RALYL: variants seen among roughly 807,000 people sequenced by gnomAD.
RALYL encodes the protein RALY RNA binding protein like.
A neutral mutation model predicts 35.1 loss-of-function variants in RALYL; 29 were observed. That is an observed-to-expected ratio of 0.83 (90% CI 0.61 to 1.13). The LOEUF is 1.13. Among genes scored for constraint, RALYL ranks in the 50% most tolerant of loss-of-function variants. The pLI, the probability that RALYL is intolerant of heterozygous loss-of-function variation, is 0.00. For synonymous variants in RALYL, 120 were observed against 127.6 expected (o/e 0.94, Z 0.40); for missense variants, 359 against 360.4 (o/e 1.00, Z 0.03).
intron 1 of RALYL, among the ~76,000 whole-genome samples, chr8:84,441,461 T>A (rs974236459): frequency 6.6e-6 from 1 of 152,146 alleles, no homozygotes; most frequent in East Asian, 1.9e-4. Flanking sequence ...GTAGTTGTGA[T>A]GTTCATAACA....
At chr8:84,503,156 T>A (rs557027491) in intron 1 of RALYL, among the ~76,000 whole-genome samples, 2 of 151,986 alleles carry the variant, frequency 1.3e-5, no homozygotes, top group Non-Finnish European at 2.9e-5. Context: ...CTTTTCTTTC[T>A]CTTTTTTTAG....
At chr8:84,276,485 C>T (rs1171884087) in intron 1 of RALYL, among the ~76,000 whole-genome samples, 7 of 152,080 alleles carry the variant, frequency 4.6e-5, no homozygotes, top group African/African-American at 1.7e-4. Flanking sequence ...TAACATCTTC[C>T]TGCGGTAAGA....
At chr8:84,646,993 C>G (rs1827636501) in intron 2 of RALYL, among the ~76,000 whole-genome samples, 1 of 152,040 alleles carries the variant, frequency 6.6e-6, no homozygotes. Flanking sequence ...TCTCCACACC[C>G]ACAGGCAATG....
At chr8:84,661,718 G>T (rs1830960540) in intron 2 of RALYL, among the ~76,000 whole-genome samples, 1 of 151,700 alleles carries the variant, frequency 6.6e-6, no homozygotes, top group African/African-American at 2.4e-5. Context: ...TGCCATGCTG[G>T]TGCGCTGCAC....
intron 2 of RALYL, among the ~76,000 whole-genome samples, chr8:84,569,205 A>G (rs570973548): frequency 1.3e-3 from 201 of 152,070 alleles, no homozygotes; most frequent in Middle Eastern, 3.4e-3. Context: ...TCTTTAATCT[A>G]TCTTGAATTA....
chr8:84,250,056 T>C lies in RALYL; in HGVS notation c.-24+65632T>C, dbSNP rs186507893. Among the ~76,000 whole-genome samples the C allele has an allele frequency of 1.8e-3, 281 of 152,182 alleles. 2 individuals carry two copies. The highest frequency in any genetic ancestry group is 6.5e-3 in the African/African-American group (271 of 41,556). On this transcript the variant is annotated intron_variant, in intron 1 of 8. Transcript: ENST00000521268. ...CAGATTAATTTATTACAATATCCAG[T>C]GTCCTGCTTTATTAAACAGCTGAGA...
chr8:84,634,039 T>C (rs1051632671), intron 2 of RALYL, among the ~76,000 whole-genome samples: 3 of 151,900 alleles, frequency 2.0e-5, no homozygotes, highest in Admixed American at 6.6e-5. Flanking sequence ...ACTTAGTAAA[T>C]GTCATAACTG....
intron 2 of RALYL, among the ~76,000 whole-genome samples, chr8:84,739,892 G>GTT (rs1390549156): frequency 1.4e-4 from 22 of 151,942 alleles, no homozygotes; most frequent in Non-Finnish European, 2.6e-4. Context: ...AAGAATTGGA[G>GTT]TCACTATATA....
intron 6 of RALYL, among the ~76,000 whole-genome samples, chr8:84,868,750 A>G (rs1308717570): frequency 6.6e-6 from 1 of 152,182 alleles, no homozygotes; most frequent in South Asian, 2.1e-4. Flanking sequence ...ATGTAGGCAT[A>G]AGTATTATGA....
At chr8:84,906,949 T>C in intron 8 of RALYL, 6 of 985,106 alleles carry the variant, frequency 6.1e-6, no homozygotes, top group Non-Finnish European at 7.2e-6. Flanking sequence ...ATATGGAAAA[T>C]CACAAGCTCC....
chr8:84,722,639 ATATATATATG>A (rs1241988674), intron 2 of RALYL, among the ~76,000 whole-genome samples: 69 of 142,502 alleles, frequency 4.8e-4, no homozygotes, highest in Non-Finnish European at 8.1e-4. Context: ...ATATATATAT[ATATATATATG>A]TATGTATATA....
chr8:84,841,920 T>C (rs1368244711), intron 4 of RALYL, among the ~76,000 whole-genome samples: 1 of 152,152 alleles, frequency 6.6e-6, no homozygotes, highest in Non-Finnish European at 1.5e-5. Flanking sequence ...TTGAAACCAA[T>C]GAGAACAAAG....
At chr8:84,769,499 C>T (rs1228335217) in intron 2 of RALYL, among the ~76,000 whole-genome samples, 2 of 152,122 alleles carry the variant, frequency 1.3e-5, no homozygotes, top group African/African-American at 2.4e-5. Context: ...TGGCTCACAC[C>T]TCTGTAATCC....
At chr8:84,872,985 A>G (rs1250334026) in intron 6 of RALYL, 2 of 228,364 alleles carry the variant, frequency 8.8e-6, no homozygotes, top group African/African-American at 4.5e-5. Flanking sequence ...ATTTTGTAAA[A>G]TTTAGCATCA....
At chr8:84,401,658 AAAAAAAAAAAG>A (rs1375472134) in intron 1 of RALYL, among the ~76,000 whole-genome samples, 1 of 149,406 alleles carries the variant, frequency 6.7e-6, no homozygotes, top group Non-Finnish European at 1.5e-5. Flanking sequence ...AAAAAAAAAA[AAAAAAAAAAAG>A]ACCTTACTAT....
At chr8:84,327,481 G>A (rs1040908206) in intron 1 of RALYL, among the ~76,000 whole-genome samples, 2 of 152,086 alleles carry the variant, frequency 1.3e-5, no homozygotes, top group Non-Finnish European at 1.5e-5. Flanking sequence ...ATGGACCAGC[G>A]TCTTGCAACC....
intron 2 of RALYL, among the ~76,000 whole-genome samples, chr8:84,745,315 T>C (rs1260776711): frequency 6.6e-6 from 1 of 152,082 alleles, no homozygotes; most frequent in East Asian, 1.9e-4. Context: ...AATGGTTTAA[T>C]TTATGTAAAA....
At chr8:84,891,190 G>T (rs1227561942) in intron 8 of RALYL, among the ~76,000 whole-genome samples, 1 of 152,030 alleles carries the variant, frequency 6.6e-6, no homozygotes, top group Non-Finnish European at 1.5e-5. Flanking sequence ...CATCTACATG[G>T]GCATGAAGTC....
At chr8:84,522,249 ATTT>A (rs34104122) in intron 1 of RALYL, among the ~76,000 whole-genome samples, 1 of 133,880 alleles carries the variant, frequency 7.5e-6, no homozygotes, top group Non-Finnish European at 1.6e-5. Flanking sequence ...TAGAAAGGAA[ATTT>A]TTTTTTTTTT....
Sources: allele counts gnomAD v4.1 joint callset (sites outside exome capture counted in the v4.1 genomes callset), GRCh38; gene constraint gnomAD v4.1.1; transcripts MANE v1.5; gene names NCBI Gene and HGNC (gene_info 2026-07-23, HGNC 2026-07-21).